Variants in CACNB2 observed in about 807,000 individuals in gnomAD.
The protein encoded by CACNB2 is voltage-dependent L-type calcium channel subunit beta-2.
In CACNB2, 42 loss-of-function variants were observed where a neutral mutation model predicts 73.3. The observed-to-expected ratio is 0.57, with a 90% CI of 0.45 to 0.74. The LOEUF is 0.74. CACNB2 is among the 30% of genes least tolerant of loss of function. The pLI, the probability that CACNB2 is intolerant of heterozygous loss-of-function variation, is 0.00. For synonymous variants in CACNB2, 348 were observed against 310.3 expected (o/e 1.12, Z -1.28); for missense variants, 940 against 853.0 (o/e 1.10, Z -1.27).
chr10:18,297,427 G>A (rs1417105672), intron 2 of CACNB2, among the ~76,000 whole-genome samples: 1 of 152,112 alleles, frequency 6.6e-6, no homozygotes, highest in Non-Finnish European at 1.5e-5. Context: ...TGTGGTGGCT[G>A]TATGCCTGTA....
At chr10:18,178,975 T>C (rs1332034313) in intron 2 of CACNB2, among the ~76,000 whole-genome samples, 4 of 152,176 alleles carry the variant, frequency 2.6e-5, no homozygotes, top group Admixed American at 2.6e-4. Context: ...TAGAAAGCAC[T>C]TGAGACTCTT....
rs1285525176 is a variant in CACNB2, at chr10:18,150,977, T to G, written c.213+2T>G. ...ACCTCAAATAGTTTTGTTCGCCAGG[T>G]AAGAGTTTTAAGTTCATGGTTTTGA... On this transcript the variant is annotated splice_donor_variant, in intron 2 of 13. Coordinates refer to ENST00000324631, the MANE Select transcript of CACNB2 (RefSeq NM_201596.3). LOFTEE classifies it high-confidence loss of function. The G allele has an allele frequency of 1.9e-6, 3 of 1,566,518 alleles. No individual in the cohort carries two copies. The highest frequency in any genetic ancestry group is 2.6e-6 in the Non-Finnish European group (3 of 1,138,466).
Position 18,261,299 on chromosome 10 carries a change from G to T in CACNB2, c.213+110324G>T, listed in dbSNP as rs977661158. On this transcript the variant is annotated intron_variant, in intron 2 of 13. Transcript: ENST00000324631. ...AGTGCTGCGGGCTGGTGCATCGCCGGCGAGTACGGGTGTCCTATGTAAGTT... is the reference window on the plus strand; with the variant it reads ...AGTGCTGCGGGCTGGTGCATCGCCGTCGAGTACGGGTGTCCTATGTAAGTT... The T allele has an allele frequency of 1.4e-5, 21 of 1,551,418 alleles. No individual in the cohort carries two copies. In the East Asian group the frequency reaches 4.6e-4, roughly 34 times the overall value.
At chr10:18,532,649 C>T (rs1275307495) in intron 10 of CACNB2, among the ~76,000 whole-genome samples, 1 of 138,124 alleles carries the variant, frequency 7.2e-6, no homozygotes, top group Non-Finnish European at 1.5e-5. Flanking sequence ...TGCACTCCAG[C>T]CTGGGAGACA....
chr10:18,248,445 T>G (rs1588839685), intron 2 of CACNB2, among the ~76,000 whole-genome samples: 1 of 152,170 alleles, frequency 6.6e-6, no homozygotes, highest in African/African-American at 2.4e-5. Context: ...TCTCCCCAAG[T>G]TCTACTATTT....
intron 2 of CACNB2, among the ~76,000 whole-genome samples, chr10:18,395,996 A>G (rs1442972829): frequency 1.3e-5 from 2 of 152,168 alleles, no homozygotes; most frequent in Admixed American, 6.5e-5. Flanking sequence ...TCCCTCTGTC[A>G]CCCAAGCTGG....
intron 2 of CACNB2, among the ~76,000 whole-genome samples, chr10:18,247,707 A>G (rs983210182): frequency 6.6e-6 from 1 of 152,190 alleles, no homozygotes. Flanking sequence ...GAAGCTGGGA[A>G]GTCGAAGGTT....
At chr10:18,315,456 T>A (rs2040130162) in intron 2 of CACNB2, among the ~76,000 whole-genome samples, 2 of 135,528 alleles carry the variant, frequency 1.5e-5, no homozygotes, top group Admixed American at 1.6e-4. Context: ...AGCCCAGGAG[T>A]TTGAGATCAG....
At chr10:18,315,347 CAAAA>C (rs2040124620) in intron 2 of CACNB2, among the ~76,000 whole-genome samples, 1 of 148,738 alleles carries the variant, frequency 6.7e-6, no homozygotes, top group Non-Finnish European at 1.5e-5. Context: ...CAAAACAAAA[CAAAA>C]CAAAACAAAA....
chr10:18,311,172 T>C (rs2039950812), intron 2 of CACNB2, among the ~76,000 whole-genome samples: 1 of 152,198 alleles, frequency 6.6e-6, no homozygotes, highest in African/African-American at 2.4e-5. Context: ...TATCTGCTTA[T>C]TTTGGACCTT....
rs1047896459 is a variant in CACNB2, at chr10:18,362,849, A to G, written c.214-39075A>G. ...CTTGAACCCGGCAGGTGGAGGTTGCAGTGAGCTGAGATCGCTGACACTGCA... is the reference window on the plus strand; with the variant it reads ...CTTGAACCCGGCAGGTGGAGGTTGCGGTGAGCTGAGATCGCTGACACTGCA... On this transcript the variant is annotated intron_variant, in intron 2 of 13. Transcript: ENST00000324631. 3.9e-5 allele frequency among the ~76,000 whole-genome samples: 6 copies of G among 152,166 alleles called. No individual in the cohort carries two copies. The South Asian group carries it at 6.2e-4, about 16-fold the overall frequency.
intron 2 of CACNB2, among the ~76,000 whole-genome samples, chr10:18,276,089 A>G (rs1431320437): frequency 6.6e-6 from 1 of 152,262 alleles, no homozygotes; most frequent in Non-Finnish European, 1.5e-5. Flanking sequence ...TAATCAATAA[A>G]TACAGAACAT....
chr10:18,519,633 C>G lies in CACNB2; in HGVS notation c.944+665C>G. 6.7e-6 allele frequency: 3 copies of G among 446,668 alleles called. 1 individual carries two copies. Among genetic ancestry groups the G allele is most frequent in the South Asian group, 4.8e-5 (3 of 62,348 alleles). 27.7% of individuals were successfully genotyped at this position (446,668 alleles called of 1,614,324 possible). ...AGTATTTCCTGTTCTAATGGAAACTCCATCACCATGTAAAAATGTTAATTC... is the reference window on the plus strand; with the variant it reads ...AGTATTTCCTGTTCTAATGGAAACTGCATCACCATGTAAAAATGTTAATTC... On this transcript the variant is annotated intron_variant, in intron 9 of 13. Coordinates refer to ENST00000324631, the MANE Select transcript of CACNB2 (RefSeq NM_201596.3).
intron 2 of CACNB2, among the ~76,000 whole-genome samples, chr10:18,243,102 A>G (rs944880862): frequency 2.0e-5 from 3 of 152,148 alleles, no homozygotes; most frequent in Non-Finnish European, 4.4e-5. Context: ...TAAGTTGTCA[A>G]TATTGTTATA....
intron 2 of CACNB2, among the ~76,000 whole-genome samples, chr10:18,292,987 T>G (rs1588960757): frequency 6.6e-6 from 1 of 152,218 alleles, no homozygotes; most frequent in East Asian, 1.9e-4. Flanking sequence ...AATTCCATCT[T>G]TTTGGTCAAG....
intron 2 of CACNB2, among the ~76,000 whole-genome samples, chr10:18,345,604 C>G (rs1328476698): frequency 6.6e-6 from 1 of 152,104 alleles, no homozygotes; most frequent in Non-Finnish European, 1.5e-5. Context: ...CTCCCTAAAA[C>G]AAAACAAAAA....
At chr10:18,530,722 G>GT (rs1470920259) in intron 10 of CACNB2, among the ~76,000 whole-genome samples, 7 of 152,114 alleles carry the variant, frequency 4.6e-5, no homozygotes, top group African/African-American at 1.2e-4. Context: ...TCAAACCATC[G>GT]TAAGTCATGG....
intron 2 of CACNB2, among the ~76,000 whole-genome samples, chr10:18,334,879 C>T (rs1414673433): frequency 6.6e-6 from 1 of 152,086 alleles, no homozygotes; most frequent in Non-Finnish European, 1.5e-5. Flanking sequence ...GAAGTCTTAT[C>T]CTCTTTTTAT....
intron 2 of CACNB2, among the ~76,000 whole-genome samples, chr10:18,396,251 A>G (rs1368874653): frequency 6.6e-6 from 1 of 151,914 alleles, no homozygotes; most frequent in Non-Finnish European, 1.5e-5. Context: ...GCCAGCATGC[A>G]GCCCATAGTT....
Sources: gnomAD v4.1 joint callset for allele counts (sites outside exome capture counted in the v4.1 genomes callset) on GRCh38, gnomAD v4.1.1 for gene constraint, MANE v1.5 for transcripts, NCBI Gene and HGNC (gene_info 2026-07-23, HGNC 2026-07-21) for gene names.